HCN1: variants seen among roughly 807,000 people sequenced by gnomAD.
HCN1 encodes the protein hyperpolarization activated cyclic nucleotide gated potassium channel 1.
A neutral mutation model predicts 78.9 loss-of-function variants in HCN1; 13 were observed. That is an observed-to-expected ratio of 0.16 (90% CI 0.11 to 0.26). HCN1 has a LOEUF of 0.26. HCN1 is among the 10% of genes least tolerant of loss of function. The pLI, the probability that HCN1 is intolerant of heterozygous loss-of-function variation, is 1.00. For missense variants in HCN1, 810 were observed against 1,154.3 expected (o/e 0.70, Z 4.32); for synonymous variants, 552 against 455.5 (o/e 1.21, Z -2.70).
Position 45,261,736 on chromosome 5 carries a change from G to A in HCN1, c.*185C>T, listed in dbSNP as rs1744738559. The A allele has an allele frequency of 1.7e-6, 1 of 585,316 alleles. No individual in the cohort carries two copies. The highest frequency in any genetic ancestry group is 3.2e-5 in the East Asian group (1 of 30,910). The allele number at this position is 585,316 out of a possible 1,614,324, so 36.3% of individuals were successfully genotyped here. A position where few individuals can be genotyped will look rare whatever the true frequency, so the allele number is the denominator to read the frequency against. The stretch of plus-strand genomic sequence containing the variant: ...AACAGGTCTTTTGACCCTCTCTTGG[G>A]AATTTAGATATATATTTTATAGTAT... On this transcript the variant is annotated 3_prime_UTR_variant, in exon 8 of 8. Transcript: ENST00000303230.
At chr5:45,522,443 A>G (rs1742633874) in intron 2 of HCN1, among the ~76,000 whole-genome samples, 1 of 152,054 alleles carries the variant, frequency 6.6e-6, no homozygotes, top group African/African-American at 2.4e-5. Context: ...GGCCCTCAGC[A>G]TCAATCTCAA....
chr5:45,562,312 T>C (rs1561201921), intron 2 of HCN1, among the ~76,000 whole-genome samples: 1 of 152,156 alleles, frequency 6.6e-6, no homozygotes, highest in Non-Finnish European at 1.5e-5. Context: ...AACATCTTTC[T>C]CTTGATATCC....
intron 3 of HCN1, among the ~76,000 whole-genome samples, chr5:45,419,969 T>C (rs1456824958): frequency 1.3e-5 from 2 of 152,048 alleles, no homozygotes; most frequent in African/African-American, 2.4e-5. Context: ...CTGTGTAGCA[T>C]ATAGGTAGAA....
chr5:45,543,497 T>G (rs565729072), intron 2 of HCN1, among the ~76,000 whole-genome samples: 1 of 152,026 alleles, frequency 6.6e-6, no homozygotes, highest in Non-Finnish European at 1.5e-5. Flanking sequence ...ATCTTATACC[T>G]TGAAACCCAT....
intron 3 of HCN1, among the ~76,000 whole-genome samples, chr5:45,453,366 G>A (rs1740962082): frequency 6.6e-6 from 1 of 151,962 alleles, no homozygotes; most frequent in South Asian, 2.1e-4. Flanking sequence ...AATATATGAG[G>A]AGTTCAGAAA....
At chr5:45,464,575 C>T (rs1201149990) in intron 2 of HCN1, among the ~76,000 whole-genome samples, 1 of 152,174 alleles carries the variant, frequency 6.6e-6, no homozygotes, top group Non-Finnish European at 1.5e-5. Flanking sequence ...GGTATTTTTA[C>T]ACTGGTTAAT....
At chr5:45,502,971 G>C (rs762953913) in intron 2 of HCN1, among the ~76,000 whole-genome samples, 2 of 152,024 alleles carry the variant, frequency 1.3e-5, no homozygotes, top group Non-Finnish European at 2.9e-5. Context: ...CACTATGTTG[G>C]TATATACATG....
At chr5:45,546,017 A>G (rs1743217346) in intron 2 of HCN1, among the ~76,000 whole-genome samples, 1 of 151,978 alleles carries the variant, frequency 6.6e-6, no homozygotes, top group African/African-American at 2.4e-5. Context: ...ACCCAATTTA[A>G]CTCATTACAA....
At chr5:45,641,072 G>A (rs1338693634) in intron 2 of HCN1, among the ~76,000 whole-genome samples, 1 of 152,158 alleles carries the variant, frequency 6.6e-6, no homozygotes. Context: ...GATGTGATAA[G>A]CAATAGGGAG....
At chr5:45,437,165 C>G (rs550229715) in intron 3 of HCN1, among the ~76,000 whole-genome samples, 20 of 152,156 alleles carry the variant, frequency 1.3e-4, no homozygotes, top group African/African-American at 4.8e-4. Flanking sequence ...CTTAAATGTA[C>G]ACAATAGGGT....
intron 3 of HCN1, among the ~76,000 whole-genome samples, chr5:45,432,699 G>T (rs1213467808): frequency 1.3e-5 from 2 of 152,128 alleles, no homozygotes; most frequent in African/African-American, 4.8e-5. Context: ...ATGAAGAGAT[G>T]TTGAATTTTA....
chr5:45,378,061 GA>G (rs1354190363), intron 4 of HCN1, among the ~76,000 whole-genome samples: 13 of 151,928 alleles, frequency 8.6e-5, no homozygotes, highest in African/African-American at 2.9e-4. Flanking sequence ...ATTTAGTATA[GA>G]AAGAGACATT....
At chr5:45,282,063 C>G (rs1157720127) in intron 6 of HCN1, among the ~76,000 whole-genome samples, 2 of 151,996 alleles carry the variant, frequency 1.3e-5, no homozygotes, top group South Asian at 4.1e-4. Context: ...AAAATATGCC[C>G]AATACTGTCA....
chr5:45,494,062 C>T lies in HCN1; in HGVS notation c.850-32055G>A, dbSNP rs1027914712. Among the ~76,000 whole-genome samples, 275 of 152,088 alleles carry T rather than the reference C, an allele frequency of 1.8e-3. 1 individual carries two copies. The highest frequency in any genetic ancestry group is 6.4e-3 in the African/African-American group (265 of 41,472). ...TGTGAATAATGCCGCAATAAACATA[C>T]GTGTGCATGTGTCTTTATAGCAGCA... On this transcript the variant is annotated intron_variant, in intron 2 of 7. Transcript: ENST00000303230.
chr5:45,475,163 T>G (rs992219598), intron 2 of HCN1, among the ~76,000 whole-genome samples: 3 of 152,004 alleles, frequency 2.0e-5, no homozygotes, highest in Non-Finnish European at 2.9e-5. Context: ...TAAGTAAATT[T>G]TGATTATACA....
intron 3 of HCN1, among the ~76,000 whole-genome samples, chr5:45,407,739 A>G (rs1423339744): frequency 1.3e-5 from 2 of 151,874 alleles, no homozygotes; most frequent in Non-Finnish European, 2.9e-5. Context: ...CGAACTCCTG[A>G]CCTCAGGTGA....
At chr5:45,462,618 ATAAC>A (rs1169640762) in intron 2 of HCN1, among the ~76,000 whole-genome samples, 8 of 152,120 alleles carry the variant, frequency 5.3e-5, no homozygotes, top group Admixed American at 2.6e-4. Context: ...TTTAAAAATC[ATAAC>A]TATTTCCATA....
At chr5:45,267,279 A>G (rs1230557929) in intron 6 of HCN1, 26 bp from the exon 7 acceptor site, 7 of 1,608,430 alleles carry the variant, frequency 4.4e-6, no homozygotes, top group Non-Finnish European at 5.1e-6. Context: ...ACAAAGAAGA[A>G]TGACTTGTTT....
intron 3 of HCN1, among the ~76,000 whole-genome samples, chr5:45,448,803 C>T (rs1740849659): frequency 6.6e-6 from 1 of 152,106 alleles, no homozygotes; most frequent in African/African-American, 2.4e-5. Flanking sequence ...CTTTTGTGTA[C>T]TGACTTGAGA....
Sources: allele counts gnomAD v4.1 joint callset (sites outside exome capture counted in the v4.1 genomes callset), GRCh38; gene constraint gnomAD v4.1.1; transcripts MANE v1.5; gene names NCBI Gene and HGNC (gene_info 2026-07-23, HGNC 2026-07-21).